The following FKBP5 variants were observed in gnomAD, a reference collection of about 807,000 sequenced individuals.
FKBP5 encodes peptidyl-prolyl cis-trans isomerase FKBP5.
FKBP5 carries 23 observed loss-of-function variants against 50.5 expected under a neutral mutation model. The ratio of observed to expected loss-of-function variants is 0.46; its 90% CI spans 0.33 to 0.65. The LOEUF (loss-of-function observed/expected upper bound fraction) is 0.65. Among genes scored for constraint, FKBP5 ranks in the 30% least tolerant of loss-of-function variants. The pLI, the probability that FKBP5 is intolerant of heterozygous loss-of-function variation, is 0.02. For missense variants in FKBP5, 411 were observed against 553.1 expected, an observed-to-expected ratio of 0.74 and a Z score of 2.58; for synonymous variants, 176 against 190.6, an observed-to-expected ratio of 0.92 and a Z score of 0.63.
chr6:35,639,015 A>T (rs181808840), intron 2 of FKBP5, among the ~76,000 whole-genome samples: 1 of 152,332 alleles, frequency 6.6e-6, no homozygotes, highest in African/African-American at 2.4e-5. Context: ...TTCCCTAGCA[A>T]GATGAATTTG....
At chr6:35,576,030 A>G in intron 10 of FKBP5, 88 bp from the exon 11 acceptor site, 1 of 906,678 alleles carries the variant, frequency 1.1e-6, no homozygotes, top group Non-Finnish European at 1.8e-6. Context: ...CAGGTCCCAA[A>G]CACGAGGTAT....
chr6:35,667,907 G>A (rs1478131588), intron 1 of FKBP5, among the ~76,000 whole-genome samples: 1 of 152,164 alleles, frequency 6.6e-6, no homozygotes, highest in African/African-American at 2.4e-5. Flanking sequence ...AGATGTTGCA[G>A]TGAGCTGCGA....
At position 35,583,252 on chromosome 6, in the gene FKBP5, T is replaced by C. The variant is rs7754640; in HGVS notation, c.841-3031A>G. 3.0e-3 allele frequency: 2,921 copies of C among 985,380 alleles called. 43 individuals are homozygous for C. The African/African-American group carries it at 0.037, about 12-fold the overall frequency. 61.0% of individuals were successfully genotyped at this position (985,380 alleles called of 1,614,324 possible). ...CTCTCCTCCTCCCTCTCTAATGCATTGATTAACTTAACTTTTCTGATTATC... is the reference window on the plus strand; with the variant it reads ...CTCTCCTCCTCCCTCTCTAATGCATCGATTAACTTAACTTTTCTGATTATC... On this transcript the variant is annotated intron_variant, in intron 8 of 10. Coordinates refer to ENST00000357266, the MANE Select transcript of FKBP5 (RefSeq NM_004117.4).
chr6:35,583,140 G>A (rs1219834793), intron 8 of FKBP5: 1 of 985,298 alleles, frequency 1.0e-6, no homozygotes, highest in Non-Finnish European at 1.2e-6. Flanking sequence ...AGCAAAAAAT[G>A]TGTGGGTGGA....
chr6:35,630,177 A>G (rs530311082), intron 3 of FKBP5, among the ~76,000 whole-genome samples: 2 of 149,732 alleles, frequency 1.3e-5, no homozygotes, highest in Non-Finnish European at 3.0e-5. Flanking sequence ...AGAAAGAGAG[A>G]GAGAGAGAGA....
chr6:35,651,657 C>G (rs1057035038), intron 1 of FKBP5, among the ~76,000 whole-genome samples: 5 of 152,184 alleles, frequency 3.3e-5, no homozygotes, highest in Non-Finnish European at 7.3e-5. Context: ...TTAGGTTGAG[C>G]ATTCCTAATT....
chr6:35,656,671 C>T (rs1040101525), intron 1 of FKBP5, among the ~76,000 whole-genome samples: 2 of 152,208 alleles, frequency 1.3e-5, no homozygotes, highest in East Asian at 3.9e-4. Context: ...AGGTGGATCA[C>T]TTGAGGTCAG....
intron 1 of FKBP5, chr6:35,651,931 A>G (rs530140380): frequency 2.8e-6 from 3 of 1,053,192 alleles, no homozygotes; most frequent in East Asian, 1.5e-4. Flanking sequence ...TTTGATACAT[A>G]TAAGAAGGTG....
chr6:35,704,891 C>T lies in FKBP5; in HGVS notation c.-20+15437G>A, dbSNP rs969769758. Among the ~76,000 whole-genome samples the T allele has an allele frequency of 5.9e-5, 9 of 151,894 alleles. No homozygotes were observed. The South Asian group carries it at 8.3e-4, about 14-fold the overall frequency. On this transcript the variant is annotated intron_variant, in intron 2 of 11. Transcript: ENST00000536438. ...GCGCGGTGGCTCACACCTGTAATCCCAGCACTTTGGGAGGCCGAGGCGGGC... is the reference window on the plus strand; with the variant it reads ...GCGCGGTGGCTCACACCTGTAATCCTAGCACTTTGGGAGGCCGAGGCGGGC...
intron 1 of FKBP5, among the ~76,000 whole-genome samples, chr6:35,682,906 A>T (rs529620518): frequency 3.4e-4 from 41 of 118,986 alleles, no homozygotes; most frequent in East Asian, 9.1e-4. Flanking sequence ...AATCTCTTTT[A>T]AAAAAAAAAA....
chr6:35,669,020 T>C (rs1765308521), intron 1 of FKBP5, among the ~76,000 whole-genome samples: 1 of 152,194 alleles, frequency 6.6e-6, no homozygotes, highest in African/African-American at 2.4e-5. Context: ...AAGAAAACAC[T>C]TGAGATGCAA....
chr6:35,724,387 G>A (rs755094040), intron 1 of FKBP5, among the ~76,000 whole-genome samples: 14 of 152,170 alleles, frequency 9.2e-5, no homozygotes, highest in Non-Finnish European at 2.1e-4. Flanking sequence ...GGCCTTGCTA[G>A]TATCCAGATT....
chr6:35,610,862 C>G (rs761768415), intron 5 of FKBP5, among the ~76,000 whole-genome samples: 92 of 152,010 alleles, frequency 6.1e-4, no homozygotes, highest in Non-Finnish European at 1.1e-3. Flanking sequence ...ATGTGAGATT[C>G]TTATTTAACT....
chr6:35,703,555 T>C (rs1431558716), intron 2 of FKBP5, among the ~76,000 whole-genome samples: 5 of 152,234 alleles, frequency 3.3e-5, no homozygotes, highest in Admixed American at 2.0e-4. Context: ...ACTAATATTA[T>C]TTATCAATTT....
At chr6:35,653,159 T>C (rs1465787977) in intron 1 of FKBP5, among the ~76,000 whole-genome samples, 1 of 152,110 alleles carries the variant, frequency 6.6e-6, no homozygotes, top group Non-Finnish European at 1.5e-5. Flanking sequence ...AAGACCAGCC[T>C]GGGCAAGAAA....
chr6:35,583,145 G>A, intron 8 of FKBP5: 1 of 985,390 alleles, frequency 1.0e-6, no homozygotes, highest in Non-Finnish European at 1.2e-6. Context: ...AAAATGTGTG[G>A]GTGGAAATGA....
At chr6:35,626,349 G>T in intron 3 of FKBP5, among the ~76,000 whole-genome samples, 1 of 151,620 alleles carries the variant, frequency 6.6e-6, no homozygotes. Context: ...CTTTTTTCTG[G>T]TTTAAAAAAA....
chr6:35,690,986 A>T (rs540654893), upstream of FKBP5, among the ~76,000 whole-genome samples: 1 of 152,152 alleles, frequency 6.6e-6, no homozygotes, highest in Admixed American at 6.6e-5. Context: ...AGCCTGGGCA[A>T]CAAGAGCAAA....
rs1308852215 is a variant in FKBP5 at position 35,661,226 on chromosome 6, T to G, written c.-19-18383A>C. The stretch of plus-strand genomic sequence containing the variant: ...CTGGTCTTGAACTCCTGGTCTCAAG[T>G]GATCCTCTCATCTCAGCCTCCCAAT... On this transcript the variant is annotated intron_variant, in intron 1 of 10. Transcript: ENST00000357266. 1.1e-4 allele frequency among the ~76,000 whole-genome samples: 9 copies of G among 83,140 alleles called. 3 individuals are homozygous for G. Among genetic ancestry groups the G allele is most frequent in the African/African-American group, 3.4e-4 (9 of 26,774 alleles). The allele number at this position is 83,140 out of a possible 152,430, so 54.5% of individuals were successfully genotyped here.
Sources: gnomAD v4.1 joint callset for allele counts (sites outside exome capture counted in the v4.1 genomes callset) on GRCh38, gnomAD v4.1.1 for gene constraint, MANE v1.5 for transcripts, NCBI Gene and HGNC (gene_info 2026-07-23, HGNC 2026-07-21) for gene names.